The following ARHGAP28 variants were observed in gnomAD, a reference collection of about 807,000 sequenced individuals.
ARHGAP28 encodes rho GTPase-activating protein 28.
A neutral mutation model predicts 90.7 loss-of-function variants in ARHGAP28; 56 were observed. The ratio of observed to expected loss-of-function variants is 0.62; its 90% CI spans 0.50 to 0.77. ARHGAP28 has a LOEUF of 0.77. Ranked by LOEUF, ARHGAP28 falls within the 30% of genes least tolerant of loss-of-function variation. The pLI is 0.00. For missense variants in ARHGAP28, 869 were observed against 900.9 expected (o/e 0.96, Z 0.45); for synonymous variants, 308 against 323.3 (o/e 0.95, Z 0.51).
At chr18:6,841,152 CCTCTTTCTCTCTCTCCT>C (rs2056808126) in intron 3 of ARHGAP28, among the ~76,000 whole-genome samples, 1 of 112,236 alleles carries the variant, frequency 8.9e-6, no homozygotes, top group Non-Finnish European at 2.0e-5. Flanking sequence ...CTGTCTCTCT[CCTCTTTCTCTCTCTCCT>C]CTCTCTCTCT....
At chr18:6,731,133 C>A (rs6506435) in intron 1 of ARHGAP28, among the ~76,000 whole-genome samples, 147,946 of 152,296 alleles carry the variant, frequency 0.97, 72,025 homozygotes, top group Middle Eastern at 1. Flanking sequence ...GTGGGAAAAT[C>A]ACATTTTTTT....
intron 6 of ARHGAP28, 94 bp downstream of exon 6, chr18:6,868,328 T>A: frequency 1.8e-6 from 2 of 1,109,364 alleles, no homozygotes; most frequent in East Asian, 2.5e-5. Context: ...AAAAGCGAAG[T>A]ATAAGTGTGC....
At chr18:6,910,211 T>C (rs557621773) in intron 17 of ARHGAP28, among the ~76,000 whole-genome samples, 6 of 152,322 alleles carry the variant, frequency 3.9e-5, no homozygotes, top group Admixed American at 2.0e-4. Flanking sequence ...ACTTCAAGGA[T>C]GCCCTAAGCT....
chr18:6,894,277 T>C (rs1409011822), intron 14 of ARHGAP28, among the ~76,000 whole-genome samples: 1 of 152,240 alleles, frequency 6.6e-6, no homozygotes, highest in Non-Finnish European at 1.5e-5. Flanking sequence ...CACTTCTGAC[T>C]TCCCCTCCTG....
intron 1 of ARHGAP28, among the ~76,000 whole-genome samples, chr18:6,740,278 G>C (rs558406816): frequency 6.6e-6 from 1 of 152,218 alleles, no homozygotes; most frequent in African/African-American, 2.4e-5. Flanking sequence ...AGCAACCAGG[G>C]GACCAAGTCA....
chr18:6,834,165 A>G (rs2056735539), intron 2 of ARHGAP28, among the ~76,000 whole-genome samples: 1 of 151,828 alleles, frequency 6.6e-6, no homozygotes, highest in South Asian at 2.1e-4. Context: ...GAGTGATTAA[A>G]AAAAAAGCAG....
chr18:6,748,118 G>A (rs1372585894), intron 1 of ARHGAP28, among the ~76,000 whole-genome samples: 1 of 152,228 alleles, frequency 6.6e-6, no homozygotes, highest in Non-Finnish European at 1.5e-5. Context: ...TGTGAAAGTG[G>A]TGAAGGAGAT....
At chr18:6,757,161 G>A (rs1256278918) in intron 1 of ARHGAP28, among the ~76,000 whole-genome samples, 1 of 152,170 alleles carries the variant, frequency 6.6e-6, no homozygotes, top group East Asian at 1.9e-4. Context: ...CAAAGAATAT[G>A]ACCTGCTTAA....
chr18:6,819,253 T>C (rs571483580), intron 1 of ARHGAP28, among the ~76,000 whole-genome samples: 1 of 152,294 alleles, frequency 6.6e-6, no homozygotes, highest in African/African-American at 2.4e-5. Flanking sequence ...CAATGTTTTG[T>C]GGGAGTTCTG....
At chr18:6,739,355 G>C (rs1285645701) in intron 1 of ARHGAP28, among the ~76,000 whole-genome samples, 1 of 151,910 alleles carries the variant, frequency 6.6e-6, no homozygotes, top group African/African-American at 2.4e-5. Context: ...CTGTTTTAAT[G>C]GAATAAGCAT....
At chr18:6,886,165 C>T (rs998168004) in intron 11 of ARHGAP28, among the ~76,000 whole-genome samples, 1 of 152,172 alleles carries the variant, frequency 6.6e-6, no homozygotes, top group Non-Finnish European at 1.5e-5. Context: ...CACTGCTATA[C>T]AGCTCAGTTA....
intron 4 of ARHGAP28, among the ~76,000 whole-genome samples, chr18:6,853,772 GC>G (rs1391575048): frequency 3.9e-5 from 6 of 152,246 alleles, no homozygotes; most frequent in Admixed American, 2.0e-4. Flanking sequence ...ACTGTGCCCA[GC>G]CCATTCAGAA....
chr18:6,827,747 T>C (rs1004648104), intron 2 of ARHGAP28, among the ~76,000 whole-genome samples: 3 of 147,054 alleles, frequency 2.0e-5, no homozygotes, highest in Non-Finnish European at 4.5e-5. Flanking sequence ...ATTTCTCAGA[T>C]GGGGCGGTTG....
At chr18:6,875,186 T>A (rs1259836385) in intron 9 of ARHGAP28, among the ~76,000 whole-genome samples, 3 of 152,222 alleles carry the variant, frequency 2.0e-5, no homozygotes, top group Non-Finnish European at 4.4e-5. Context: ...AAATGCTAGT[T>A]AAACTAAATA....
chr18:6,863,948 A>G (rs1398837842), intron 5 of ARHGAP28, among the ~76,000 whole-genome samples: 2 of 151,314 alleles, frequency 1.3e-5, no homozygotes, highest in Non-Finnish European at 2.9e-5. Flanking sequence ...ACACCCAGCT[A>G]ATTTTTTTGT....
At chr18:6,758,947 G>C (rs1290573151) in intron 1 of ARHGAP28, among the ~76,000 whole-genome samples, 1 of 152,174 alleles carries the variant, frequency 6.6e-6, no homozygotes, top group Non-Finnish European at 1.5e-5. Context: ...CTATTAAACA[G>C]ATTTTTATTA....
chr18:6,736,046 T>C (rs2055924350), intron 1 of ARHGAP28, among the ~76,000 whole-genome samples: 1 of 152,222 alleles, frequency 6.6e-6, no homozygotes, highest in Non-Finnish European at 1.5e-5. Flanking sequence ...TAGCTACCTT[T>C]GGAGAGATAC....
At chr18:6,906,547 A>G (rs2057365720) in intron 16 of ARHGAP28, among the ~76,000 whole-genome samples, 1 of 152,200 alleles carries the variant, frequency 6.6e-6, no homozygotes, top group Non-Finnish European at 1.5e-5. Context: ...TTTTCAGTAA[A>G]TGGTGTTGTA....
chr18:6,738,616 C>T (rs2143157450), intron 1 of ARHGAP28, among the ~76,000 whole-genome samples: 1 of 152,116 alleles, frequency 6.6e-6, no homozygotes, highest in South Asian at 2.1e-4. Flanking sequence ...CCTAAAATGA[C>T]ATTATAACCC....
Sources: allele counts gnomAD v4.1 joint callset (sites outside exome capture counted in the v4.1 genomes callset), GRCh38; gene constraint gnomAD v4.1.1; transcripts MANE v1.5; gene names NCBI Gene and HGNC (gene_info 2026-07-23, HGNC 2026-07-21).